The following CSMD1 variants were observed in gnomAD, a reference collection of about 807,000 sequenced individuals.
CSMD1 encodes CUB and Sushi multiple domains 1, also known as CUB and sushi domain-containing protein 1.
A neutral mutation model predicts 417.5 loss-of-function variants in CSMD1; 213 were observed. That is an observed-to-expected ratio of 0.51 (90% CI 0.46 to 0.57). The LOEUF (loss-of-function observed/expected upper bound fraction) is 0.57. Among genes scored for constraint, CSMD1 ranks in the 20% least tolerant of loss-of-function variants. The pLI, the probability that CSMD1 is intolerant of heterozygous loss-of-function variation, is 0.00. For missense variants in CSMD1, 6,923 were observed against 4,529.7 expected (o/e 1.53, Z -15.17); for synonymous variants, 2,862 against 1,736.8 (o/e 1.65, Z -16.11).
At chr8:3,512,326 C>A (rs7818755) in intron 10 of CSMD1, among the ~76,000 whole-genome samples, 9 of 152,120 alleles carry the variant, frequency 5.9e-5, no homozygotes, top group African/African-American at 1.4e-4. Flanking sequence ...TGTTCTATAC[C>A]CACAGCCTCA....
At chr8:4,772,396 G>A (rs779583424) in intron 1 of CSMD1, among the ~76,000 whole-genome samples, 32 of 152,250 alleles carry the variant, frequency 2.1e-4, no homozygotes, top group Non-Finnish European at 4.4e-4. Context: ...TGGTTAGGTT[G>A]GGTCCACCCT....
At chr8:3,891,016 G>C (rs143365725) in intron 5 of CSMD1, among the ~76,000 whole-genome samples, 1 of 151,890 alleles carries the variant, frequency 6.6e-6, no homozygotes, top group East Asian at 1.9e-4. Flanking sequence ...TGAAGGCCGT[G>C]AAATAATTGA....
chr8:4,901,579 C>G (rs933981774), intron 1 of CSMD1, among the ~76,000 whole-genome samples: 1 of 151,882 alleles, frequency 6.6e-6, no homozygotes, highest in Non-Finnish European at 1.5e-5. Flanking sequence ...TCAGATGTTT[C>G]TTTACGTTTC....
intron 5 of CSMD1, among the ~76,000 whole-genome samples, chr8:3,798,849 C>G (rs565485952): frequency 1.2e-3 from 176 of 152,084 alleles, no homozygotes; most frequent in African/African-American, 4.1e-3. Flanking sequence ...TATTTTCCTA[C>G]TCTTTCCTAT....
At chr8:3,461,060 G>A (rs972754748) in intron 12 of CSMD1, among the ~76,000 whole-genome samples, 1 of 152,182 alleles carries the variant, frequency 6.6e-6, no homozygotes, top group African/African-American at 2.4e-5. Flanking sequence ...GAGTTCATGT[G>A]ACACGACTCT....
intron 3 of CSMD1, among the ~76,000 whole-genome samples, chr8:4,193,584 G>A (rs1799161119): frequency 6.6e-6 from 1 of 152,048 alleles, no homozygotes; most frequent in Non-Finnish European, 1.5e-5. Context: ...AAGAGGCAGA[G>A]GATGAGGGTC....
chr8:4,376,744 C>T (rs76932452), intron 3 of CSMD1, among the ~76,000 whole-genome samples: 6,634 of 152,274 alleles, frequency 0.044, 464 homozygotes, highest in African/African-American at 0.15. Flanking sequence ...GCTTTATTCA[C>T]CCAGCTGCAA....
At position 4,962,743 on chromosome 8, in the gene CSMD1, T is replaced by C. The variant is rs745343307; in HGVS notation, c.85+31589A>G. ...GCAAGAACGGCAGGAGAAGCCAGTCTAGCTGCCAATGTTCTTGGGATATGG... is the reference window on the plus strand; with the variant it reads ...GCAAGAACGGCAGGAGAAGCCAGTCCAGCTGCCAATGTTCTTGGGATATGG... On this transcript the variant is annotated intron_variant, in intron 1 of 69. Coordinates refer to ENST00000635120, the MANE Select transcript of CSMD1 (RefSeq NM_033225.6). Among the ~76,000 whole-genome samples, 4 of 152,300 alleles carry C rather than the reference T, an allele frequency of 2.6e-5. No individual in the cohort carries two copies. The South Asian group carries it at 6.2e-4, about 24-fold the overall frequency.
intron 2 of CSMD1, among the ~76,000 whole-genome samples, chr8:4,427,824 C>G (rs1154052): frequency 0.85 from 128,962 of 152,056 alleles, 55,029 homozygotes; most frequent in African/African-American, 0.93. Flanking sequence ...GCATGTTTAA[C>G]CTATTGAATA....
chr8:3,555,054 G>C (rs990558777), intron 10 of CSMD1, among the ~76,000 whole-genome samples: 1 of 152,088 alleles, frequency 6.6e-6, no homozygotes, highest in Non-Finnish European at 1.5e-5. Context: ...CGCCAGGGAA[G>C]GCTAAGGAGC....
intron 1 of CSMD1, among the ~76,000 whole-genome samples, chr8:4,638,125 T>G (rs893964470): frequency 5.9e-5 from 9 of 152,206 alleles, no homozygotes; most frequent in Non-Finnish European, 1.3e-4. Flanking sequence ...TTCTTTATCC[T>G]GTCACTTTAA....
chr8:4,076,928 A>G (rs180947987), intron 3 of CSMD1, among the ~76,000 whole-genome samples: 5 of 152,302 alleles, frequency 3.3e-5, no homozygotes, highest in African/African-American at 4.8e-5. Flanking sequence ...CATGGATATC[A>G]GTAAAAAAAT....
intron 5 of CSMD1, among the ~76,000 whole-genome samples, chr8:3,764,552 T>A (rs984333784): frequency 2.6e-5 from 4 of 151,830 alleles, no homozygotes; most frequent in Admixed American, 2.6e-4. Flanking sequence ...GGAGTACAGG[T>A]TGCTGTGAGT....
intron 10 of CSMD1, among the ~76,000 whole-genome samples, chr8:3,524,034 T>C (rs1344132336): frequency 1.7e-4 from 14 of 81,966 alleles, no homozygotes; most frequent in African/African-American, 2.9e-4. Flanking sequence ...CACACACACA[T>C]GCACACCCAG....
intron 5 of CSMD1, among the ~76,000 whole-genome samples, chr8:3,822,139 G>C (rs1014548794): frequency 1.3e-5 from 2 of 152,026 alleles, no homozygotes; most frequent in Admixed American, 6.6e-5. Context: ...TAAGAGCAAA[G>C]ACGGAACTTC....
At chr8:4,049,133 T>C (rs1798293922) in intron 3 of CSMD1, among the ~76,000 whole-genome samples, 1 of 152,194 alleles carries the variant, frequency 6.6e-6, no homozygotes, top group Non-Finnish European at 1.5e-5. Context: ...TTACAGCTAT[T>C]CTTTCTTATT....
At position 3,254,217 on chromosome 8, in the gene CSMD1, G is replaced by C. The variant is rs562202975; in HGVS notation, c.4154-23986C>G. On this transcript the variant is annotated intron_variant, in intron 26 of 69. Coordinates refer to ENST00000635120, the MANE Select transcript of CSMD1 (RefSeq NM_033225.6). ...GAATATTGGCCCCCACTCTCTTCTG[G>C]CTTGTAGAGTTTCTGTCGAGAGATC... is the stretch of plus-strand genomic sequence containing the variant. Among the ~76,000 whole-genome samples the C allele has an allele frequency of 4.9e-4, 75 of 152,268 alleles. 1 individual carries two copies. The highest frequency in any genetic ancestry group is 1.8e-3 in the African/African-American group (73 of 41,560).
intron 3 of CSMD1, among the ~76,000 whole-genome samples, chr8:4,151,876 C>A (rs760068012): frequency 6.6e-6 from 1 of 152,088 alleles, no homozygotes. Flanking sequence ...ATTGCAGGCA[C>A]ACATTAAATA....
chr8:4,535,590 G>C (rs918937619), intron 2 of CSMD1, among the ~76,000 whole-genome samples: 1 of 152,128 alleles, frequency 6.6e-6, no homozygotes, highest in South Asian at 2.1e-4. Flanking sequence ...AGTCATCCAA[G>C]ATAGCATCTC....
Sources: gnomAD v4.1 joint callset for allele counts (sites outside exome capture counted in the v4.1 genomes callset) on GRCh38, gnomAD v4.1.1 for gene constraint, MANE v1.5 for transcripts, NCBI Gene and HGNC (gene_info 2026-07-23, HGNC 2026-07-21) for gene names.